Variants in SHH observed in about 807,000 individuals in gnomAD.
SHH encodes the protein sonic hedgehog signaling molecule, also known as sonic hedgehog protein.
A neutral mutation model predicts 16.6 loss-of-function variants in SHH; 3 were observed. That is an observed-to-expected ratio of 0.18 (90% CI 0.08 to 0.47). The LOEUF (loss-of-function observed/expected upper bound fraction) is 0.47. Among genes scored for constraint, SHH ranks in the 20% least tolerant of loss-of-function variants. SHH has a pLI of 0.98. For missense variants in SHH, 499 were observed against 665.0 expected, an observed-to-expected ratio of 0.75 and a Z score of 2.75; for synonymous variants, 351 against 316.2, an observed-to-expected ratio of 1.11 and a Z score of -1.17.
chr7:155,805,207 G>T (rs1223811166), intron 2 of SHH, among the ~76,000 whole-genome samples: 1 of 152,060 alleles, frequency 6.6e-6, no homozygotes, highest in Non-Finnish European at 1.5e-5. Flanking sequence ...TTTTGCGCAG[G>T]GGGCGCCCTG....
Position 155,803,021 on chromosome 7 carries a change from G to GCATTGT in SHH, c.1267_1268insACAATG (p.Asp422_Ala423insAspAsn). The GCATTGT allele has an allele frequency of 6.5e-7, 1 of 1,543,432 alleles. No individual in the cohort carries two copies. Among genetic ancestry groups the GCATTGT allele is most frequent in the South Asian group, 1.2e-5 (1 of 81,564 alleles). On this transcript the variant is annotated inframe_insertion, in exon 3 of 3. Coordinates refer to ENST00000297261, the MANE Select transcript of SHH (RefSeq NM_000193.4). ...GCCCGCGGTGGCCCCCGCACCCGGAGCGTCGGCAGCACCTGGAGCGGTTAG... is the reference window on the plus strand; with the variant it reads ...GCCCGCGGTGGCCCCCGCACCCGGAGCATTGTCGTCGGCAGCACCTGGAGCGGTTAG...
rs1803538787 is a variant in SHH, at chr7:155,812,197, C to CGT, written c.-77_-76dup. On this transcript the variant is annotated 5_prime_UTR_variant, in exon 1 of 3. Transcript: ENST00000297261. ...CGCGAGTGCGCGCGGCGGGTGTGTG[C>CGT]GTGTGCGCTCTCTCTTGCGCTTTCC... The CGT allele has an allele frequency of 7.2e-7, 1 of 1,393,326 alleles. No homozygotes were observed. The highest frequency in any genetic ancestry group is 1.0e-6 in the Non-Finnish European group (1 of 981,214). 86.3% of individuals were successfully genotyped at this position (1,393,326 alleles called of 1,614,324 possible). A position where few individuals can be genotyped will look rare whatever the true frequency, so the allele number is the denominator to read the frequency against.
Position 155,809,351 on chromosome 7 carries a change from T to G in SHH, c.300+2472A>C, listed in dbSNP as rs1207468392. Among the ~76,000 whole-genome samples the G allele has an allele frequency of 6.6e-6, 1 of 152,018 alleles. No homozygotes were observed. The highest frequency in any genetic ancestry group is 1.5e-5 in the Non-Finnish European group (1 of 68,000). On this transcript the variant is annotated intron_variant, in intron 1 of 2. Transcript: ENST00000297261. This position sits in a 1 kb window ranked among gnomAD's most constrained non-coding sequence, Gnocchi z 6.1. ...GCACCTGGGGCAGAGCCTAGGTGGT[T>G]ATTTAAAATGAGGGCGGCCGAGCAG...
rs1223639452 is a variant in SHH at position 155,809,994 on chromosome 7, G to C, written c.300+1829C>G. Among the ~76,000 whole-genome samples the C allele has an allele frequency of 1.3e-5, 2 of 151,926 alleles. No homozygotes were observed. Among genetic ancestry groups the C allele is most frequent in the East Asian group, 3.9e-4 (2 of 5,146 alleles). On this transcript the variant is annotated intron_variant, in intron 1 of 2. Transcript: ENST00000297261. The surrounding 1 kb of genome is among the most constrained non-coding windows in gnomAD (Gnocchi z 6.1). Reference sequence around the variant, plus strand: ...GCGCCCCCATCTCCGCGCCCCCGCCGCCGGGGACACTACAGCGAGCCCGGC... The same window carrying C: ...GCGCCCCCATCTCCGCGCCCCCGCCCCCGGGGACACTACAGCGAGCCCGGC...
intron 2 of SHH, among the ~76,000 whole-genome samples, chr7:155,804,753 A>G (rs1239281501): frequency 1.3e-5 from 2 of 151,714 alleles, no homozygotes; most frequent in Admixed American, 1.3e-4. Context: ...CCCCAGGACA[A>G]TAATTGAAGT....
rs1480751489 is a variant in SHH, at chr7:155,800,153, A to C, written c.*2747T>G. The C allele has an allele frequency of 2.1e-6, 1 of 471,406 alleles. No homozygotes were observed. The highest frequency in any genetic ancestry group is 2.0e-5 in the African/African-American group (1 of 50,096). 29.2% of individuals were successfully genotyped at this position (471,406 alleles called of 1,614,324 possible). A position where few individuals can be genotyped will look rare whatever the true frequency, so the allele number is the denominator to read the frequency against. ...AAACTCTTGGCTCCGTCAACCCTGA[A>C]TGAGAAGTCGGCGCCTCGTCCTGGC... is the stretch of plus-strand genomic sequence containing the variant. On this transcript the variant is annotated 3_prime_UTR_variant, in exon 3 of 3. Transcript: ENST00000297261.
rs1692031280 is a variant in SHH at position 155,800,445 on chromosome 7, T to G, written c.*2455A>C. The G allele has an allele frequency of 7.1e-6, 3 of 420,366 alleles. No individual in the cohort carries two copies. Among genetic ancestry groups the G allele is most frequent in the Non-Finnish European group, 1.5e-5 (3 of 206,216 alleles). 26.0% of individuals were successfully genotyped at this position (420,366 alleles called of 1,614,324 possible). A position where few individuals can be genotyped will look rare whatever the true frequency, so the allele number is the denominator to read the frequency against. On this transcript the variant is annotated 3_prime_UTR_variant, in exon 3 of 3. Transcript: ENST00000297261. Reference sequence around the variant, plus strand: ...CCCAGTCACCAGCAGAGTTGCACCATGGCCTCAGGCACCTTGGGGCTTGGT... The same window carrying G: ...CCCAGTCACCAGCAGAGTTGCACCAGGGCCTCAGGCACCTTGGGGCTTGGT...
rs1304554866 is a variant in SHH at position 155,803,194 on chromosome 7, C to G, written c.1095G>C (p.Ala365=). 9 of 1,489,096 alleles carry G rather than the reference C, an allele frequency of 6.0e-6. No homozygotes were observed. The highest frequency in any genetic ancestry group is 4.5e-5 in the Admixed American group (2 of 44,406). 92.2% of individuals were successfully genotyped at this position (1,489,096 alleles called of 1,614,324 possible). The change falls in exon 3 of 3, where the codon GCG becomes GCC. Residue 365 remains alanine, a synonymous_variant. Transcript: ENST00000297261. ...GCGCCCAGCTGTGCTCCTCGATGACCGCGTAGCACGAGGCCAGCACCCGGT... is the reference window on the plus strand; with the variant it reads ...GCGCCCAGCTGTGCTCCTCGATGACGGCGTAGCACGAGGCCAGCACCCGGT... The part of the protein sequence containing the change: ...LINRVLASCY[A]VIEEHSWAHR...
At chr7:155,804,536 T>G (rs1308837437) in intron 2 of SHH, among the ~76,000 whole-genome samples, 1 of 116,876 alleles carries the variant, frequency 8.6e-6, no homozygotes. Flanking sequence ...GGCCTCCCCC[T>G]CCCTATTTGC....
At chr7:155,805,625 G>A (rs919768708) in intron 2 of SHH, among the ~76,000 whole-genome samples, 2 of 152,244 alleles carry the variant, frequency 1.3e-5, no homozygotes, top group Admixed American at 6.5e-5. Context: ...GCAACAGCGT[G>A]TGGCGTTGCA....
Position 155,809,507 on chromosome 7 carries a change from G to A in SHH, c.300+2316C>T, listed in dbSNP as rs1026568249. 6.6e-6 allele frequency among the ~76,000 whole-genome samples: 1 copy of A among 151,920 alleles called. No individual in the cohort carries two copies. Among genetic ancestry groups the A allele is most frequent in the African/African-American group, 2.4e-5 (1 of 41,344 alleles). ...CCTTAACTCCTGGAATCGGGAGAAG[G>A]AAGGTAGGGGAGGGATCAACCGGGG... On this transcript the variant is annotated intron_variant, in intron 1 of 2. Transcript: ENST00000297261. This position sits in a 1 kb window ranked among gnomAD's most constrained non-coding sequence, Gnocchi z 6.1.
Position 155,800,927 on chromosome 7 carries a change from C to A in SHH, c.*1973G>T. 1 of 257,766 alleles carries A rather than the reference C, an allele frequency of 3.9e-6. No individual in the cohort carries two copies. Among genetic ancestry groups the A allele is most frequent in the Non-Finnish European group, 7.9e-6 (1 of 127,212 alleles). The allele number at this position is 257,766 out of a possible 1,614,324, so 16.0% of individuals were successfully genotyped here. ...ACACAGGCTGCAGCTGCTGGGAGGCCCCAAGCTCATGCAGCGCAACTCTTC... is the reference window on the plus strand; with the variant it reads ...ACACAGGCTGCAGCTGCTGGGAGGCACCAAGCTCATGCAGCGCAACTCTTC... On this transcript the variant is annotated 3_prime_UTR_variant, in exon 3 of 3. Coordinates refer to ENST00000297261, the MANE Select transcript of SHH (RefSeq NM_000193.4).
intron 2 of SHH, among the ~76,000 whole-genome samples, chr7:155,804,678 C>A (rs1563199919): frequency 6.6e-6 from 1 of 151,922 alleles, no homozygotes; most frequent in African/African-American, 2.4e-5. Flanking sequence ...CTGGAAGCGC[C>A]GGGTCTCAAG....
Position 155,809,926 on chromosome 7 carries a change from G to T in SHH, c.300+1897C>A, listed in dbSNP as rs941616708. Among the ~76,000 whole-genome samples, 1 of 151,558 alleles carries T rather than the reference G, an allele frequency of 6.6e-6. No homozygotes were observed. On this transcript the variant is annotated intron_variant, in intron 1 of 2. Transcript: ENST00000297261. This position sits in a 1 kb window ranked among gnomAD's most constrained non-coding sequence, Gnocchi z 6.1. The stretch of plus-strand genomic sequence containing the variant: ...GACTGGGGATGGGGGCGCGTCCCAG[G>T]GCAGGCCGGCGGAGCCCGCGATGCG...
rs1803201066 is a variant in SHH, at chr7:155,802,207, AGAC to A, written c.*690_*692del. 6.6e-6 allele frequency: 1 copy of A among 152,180 alleles called. No individual in the cohort carries two copies. The highest frequency in any genetic ancestry group is 1.5e-5 in the Non-Finnish European group (1 of 68,028). The allele number at this position is 152,180 out of a possible 1,614,324, so 9.4% of individuals were successfully genotyped here. A position where few individuals can be genotyped will look rare whatever the true frequency, so the allele number is the denominator to read the frequency against. On this transcript the variant is annotated 3_prime_UTR_variant, in exon 3 of 3. Coordinates refer to ENST00000297261, the MANE Select transcript of SHH (RefSeq NM_000193.4). Reference sequence around the variant, plus strand: ...ATACAAAGGGAATATGAAACCATAAAGACAACAGAGGAGATGGCTGTTACATCG... The same window carrying A: ...ATACAAAGGGAATATGAAACCATAAAAACAGAGGAGATGGCTGTTACATCG...
At position 155,803,674 on chromosome 7, in the gene SHH, C is replaced by T. The variant is rs2117128834; in HGVS notation, c.615G>A (p.Val205=). 2 of 1,597,758 alleles carry T rather than the reference C, an allele frequency of 1.3e-6. No homozygotes were observed. Among genetic ancestry groups the T allele is most frequent in the Middle Eastern group, 1.7e-4 (1 of 5,840 alleles). Residue 205 remains valine, a synonymous_variant, in exon 3 of 3, where the codon GTG becomes GTA. Coordinates refer to ENST00000297261, the MANE Select transcript of SHH (RefSeq NM_000193.4). ...SGGCFPGSAT[V]HLEQGGTKLV... is the part of the protein sequence containing the mutation. ...GCTTGGTGCCGCCCTGCTCCAGGTG[C>T]ACCGTGGCCGAGCCCGGGAAGCAGC... is the stretch of plus-strand genomic sequence containing the variant.
intron 1 of SHH, among the ~76,000 whole-genome samples, chr7:155,808,613 C>A (rs545495872): frequency 6.6e-6 from 1 of 152,296 alleles, no homozygotes; most frequent in African/African-American, 2.4e-5. Context: ...TCCGCGCGGC[C>A]TCGGCTGGCG....
chr7:155,802,166 T>C lies in SHH; in HGVS notation c.*734A>G, dbSNP rs1473730592. 1 of 150,044 alleles carries C rather than the reference T, an allele frequency of 6.7e-6. No individual in the cohort carries two copies. The highest frequency in any genetic ancestry group is 1.5e-5 in the Non-Finnish European group (1 of 67,882). The allele number at this position is 150,044 out of a possible 1,614,324, so 9.3% of individuals were successfully genotyped here. The stretch of plus-strand genomic sequence containing the variant: ...GTGTAACAGTCTTGGCTTCCAAGAA[T>C]GTGGCAAAATGGTGAATACAAAGGG... On this transcript the variant is annotated 3_prime_UTR_variant, in exon 3 of 3. Coordinates refer to ENST00000297261, the MANE Select transcript of SHH (RefSeq NM_000193.4).
chr7:155,803,380 C>T lies in SHH; in HGVS notation c.909G>A (p.Ala303=), dbSNP rs764118631. The T allele has an allele frequency of 1.5e-5, 22 of 1,470,396 alleles. No homozygotes were observed. Among genetic ancestry groups the T allele is most frequent in the East Asian group, 2.7e-5 (1 of 36,510 alleles). The allele number at this position is 1,470,396 out of a possible 1,614,324, so 91.1% of individuals were successfully genotyped here. A position where few individuals can be genotyped will look rare whatever the true frequency, so the allele number is the denominator to read the frequency against. Residue 303 remains alanine (A), a synonymous_variant, in exon 3 of 3, where the codon GCG becomes GCA. Coordinates refer to ENST00000297261, the MANE Select transcript of SHH (RefSeq NM_000193.4). ...PPSGGALGPR[A]LFASRVRPGQ... ...CCGGGCGCACGCGGCTGGCGAACAG[C>T]GCCCGAGGCCCCAGTGCGCCCCCGG...
Sources: gnomAD v4.1 joint callset for allele counts (sites outside exome capture counted in the v4.1 genomes callset) on GRCh38, gnomAD v4.1.1 for gene constraint, Gnocchi (gnomAD v3.1) non-coding constraint, MANE v1.5 for transcripts, NCBI Gene and HGNC (gene_info 2026-07-23, HGNC 2026-07-21) for gene names.